The following KCND3 variants were observed in gnomAD, a reference collection of about 807,000 sequenced individuals.
KCND3 encodes the protein A-type voltage-gated potassium channel KCND3.
In KCND3, 9 loss-of-function variants were observed where a neutral mutation model predicts 51.1. That is an observed-to-expected ratio of 0.18 (90% CI 0.11 to 0.31). The LOEUF (loss-of-function observed/expected upper bound fraction) is 0.31, where lower values mean the gene tolerates loss of function less well. Among genes scored for constraint, KCND3 ranks in the 10% least tolerant of loss-of-function variants. The pLI, the probability that KCND3 is intolerant of heterozygous loss-of-function variation, is 1.00. For missense variants in KCND3, 526 were observed against 903.8 expected (o/e 0.58, Z 5.36); for synonymous variants, 349 against 368.0 (o/e 0.95, Z 0.59).
intron 2 of KCND3, among the ~76,000 whole-genome samples, chr1:111,886,214 A>C (rs1571797779): frequency 6.6e-6 from 1 of 152,244 alleles, no homozygotes; most frequent in East Asian, 1.9e-4. Context: ...AACAACAAGC[A>C]GACCCACCAA....
chr1:111,866,989 A>G (rs1042700539), intron 2 of KCND3, among the ~76,000 whole-genome samples: 5 of 152,182 alleles, frequency 3.3e-5, no homozygotes, highest in African/African-American at 1.2e-4. Flanking sequence ...GTAGGCTAAT[A>G]AAAATATTTT....
At chr1:111,915,752 C>CAT (rs1671179422) in intron 2 of KCND3, among the ~76,000 whole-genome samples, 1 of 67,322 alleles carries the variant, frequency 1.5e-5, no homozygotes, top group Non-Finnish European at 2.8e-5. Flanking sequence ...GACTCTGTCT[C>CAT]AAAAAAAAAA....
At chr1:111,842,581 G>A (rs149778081) in intron 2 of KCND3, among the ~76,000 whole-genome samples, 20 of 152,316 alleles carry the variant, frequency 1.3e-4, no homozygotes, top group African/African-American at 4.8e-4. Context: ...ATGATGCCAA[G>A]GAGCTTTCAC....
At chr1:111,877,050 G>C (rs565480953) in intron 2 of KCND3, among the ~76,000 whole-genome samples, 2 of 152,350 alleles carry the variant, frequency 1.3e-5, no homozygotes, top group Admixed American at 1.3e-4. Flanking sequence ...GTATGTGCCA[G>C]GCTCTGTGCT....
At chr1:111,961,699 A>G (rs568358710) in intron 2 of KCND3, among the ~76,000 whole-genome samples, 2 of 152,056 alleles carry the variant, frequency 1.3e-5, no homozygotes, top group Admixed American at 1.3e-4. Flanking sequence ...AAGGGAGGCC[A>G]GAGGGGGGGC....
At chr1:111,815,792 A>G (rs1164735229) in intron 2 of KCND3, among the ~76,000 whole-genome samples, 4 of 151,898 alleles carry the variant, frequency 2.6e-5, no homozygotes, top group African/African-American at 7.3e-5. Context: ...GTTTTCTTTG[A>G]CATATCATAC....
At chr1:111,776,318 G>A in intron 7 of KCND3, 40 bp from the exon 8 acceptor site, 2 of 1,589,402 alleles carry the variant, frequency 1.3e-6, no homozygotes, top group South Asian at 2.2e-5. Flanking sequence ...GTTCCTGCTG[G>A]CCAGCGTCCC....
chr1:111,791,191 T>G (rs1664809458), intron 2 of KCND3, among the ~76,000 whole-genome samples: 1 of 152,250 alleles, frequency 6.6e-6, no homozygotes, highest in South Asian at 2.1e-4. Flanking sequence ...TCTCCTTATC[T>G]GAGACAACAC....
rs542229877 is a variant in KCND3 at position 111,942,892 on chromosome 1, G to A, written c.1106+38729C>T. 4.0e-4 allele frequency among the ~76,000 whole-genome samples: 61 copies of A among 152,268 alleles called. 1 individual carries two copies. The highest frequency in any genetic ancestry group is 3.7e-3 in the Admixed American group (57 of 15,300). ...GGAAGTGCAGAACTTGGACTTCCCG[G>A]CCTTCTTTCTGACACAAAAGTGGAA... On this transcript the variant is annotated intron_variant, in intron 2 of 7. Transcript: ENST00000302127.
At position 111,775,791 on chromosome 1, in the gene KCND3, A is replaced by G; in HGVS notation, c.*286T>C. ...CTCCATCCAGGCCCTGTCCTGGCAC[A>G]TAGCCTATATCCCCCGGCCTATCCC... On this transcript the variant is annotated 3_prime_UTR_variant, in exon 8 of 8. Transcript: ENST00000302127. 2.1e-6 allele frequency: 1 copy of G among 487,604 alleles called. No individual in the cohort carries two copies. Among genetic ancestry groups the G allele is most frequent in the East Asian group, 4.0e-5 (1 of 25,098 alleles). 30.2% of individuals were successfully genotyped at this position (487,604 alleles called of 1,614,324 possible).
chr1:111,953,360 G>A (rs939496659), intron 2 of KCND3, among the ~76,000 whole-genome samples: 5 of 152,204 alleles, frequency 3.3e-5, no homozygotes, highest in Admixed American at 3.3e-4. Flanking sequence ...GGGGCGTTAA[G>A]AAAACCTCTC....
chr1:111,945,453 A>G (rs1441043832), intron 2 of KCND3, among the ~76,000 whole-genome samples: 1 of 152,128 alleles, frequency 6.6e-6, no homozygotes, highest in African/African-American at 2.4e-5. Context: ...AGAGATTTAC[A>G]TCTATGGCCT....
At chr1:111,855,114 G>A (rs867374161) in intron 2 of KCND3, among the ~76,000 whole-genome samples, 5 of 152,328 alleles carry the variant, frequency 3.3e-5, no homozygotes, top group East Asian at 3.9e-4. Context: ...TCATGAAACT[G>A]AGATCCTTAG....
intron 2 of KCND3, among the ~76,000 whole-genome samples, chr1:111,965,029 G>A (rs996880575): frequency 7.9e-5 from 12 of 152,110 alleles, no homozygotes; most frequent in Non-Finnish European, 1.5e-4. Flanking sequence ...CAGCAGATTC[G>A]AAACAGCATC....
At chr1:111,784,889 T>G (rs1664543118) in intron 3 of KCND3, among the ~76,000 whole-genome samples, 1 of 151,880 alleles carries the variant, frequency 6.6e-6, no homozygotes, top group Non-Finnish European at 1.5e-5. Context: ...GAAGCCTGAG[T>G]TGCTCCTAGA....
At chr1:111,955,270 C>G (rs567688029) in intron 2 of KCND3, among the ~76,000 whole-genome samples, 77 of 152,256 alleles carry the variant, frequency 5.1e-4, no homozygotes, top group Non-Finnish European at 1.0e-3. Flanking sequence ...AAAAATTAGC[C>G]AGGTGTGGTG....
chr1:111,933,400 T>C (rs567770798), intron 2 of KCND3, among the ~76,000 whole-genome samples: 2 of 152,330 alleles, frequency 1.3e-5, no homozygotes, highest in African/African-American at 2.4e-5. Context: ...GTAAGTACTT[T>C]GTGAGTGTTA....
chr1:111,971,323 CA>C (rs1674319036), intron 2 of KCND3, among the ~76,000 whole-genome samples: 1 of 142,870 alleles, frequency 7.0e-6, no homozygotes, highest in African/African-American at 2.6e-5. Context: ...CACCACAAAA[CA>C]AACAAACAAA....
At chr1:111,819,332 A>C (rs907168469) in intron 2 of KCND3, among the ~76,000 whole-genome samples, 2 of 152,012 alleles carry the variant, frequency 1.3e-5, no homozygotes, top group African/African-American at 4.8e-5. Flanking sequence ...AGAACCACGG[A>C]GAAGAAAGGT....
Sources: gnomAD v4.1 joint callset for allele counts (sites outside exome capture counted in the v4.1 genomes callset) on GRCh38, gnomAD v4.1.1 for gene constraint, MANE v1.5 for transcripts, NCBI Gene and HGNC (gene_info 2026-07-23, HGNC 2026-07-21) for gene names.